RP1L1: variants seen among roughly 807,000 people sequenced by gnomAD.
RP1L1 encodes the protein retinitis pigmentosa 1-like 1 protein.
RP1L1 carries 27 observed loss-of-function variants against 15.7 expected under a neutral mutation model. That is an observed-to-expected ratio of 1.72 (90% CI 1.27 to 2.38). The LOEUF is 2.38. Ranked by LOEUF, RP1L1 falls within the 30% of genes most tolerant of loss-of-function variation. The pLI is 0.00. For synonymous variants in RP1L1, 1,813 were observed against 1,276.7 expected, an observed-to-expected ratio of 1.42 and a Z score of -8.96; for missense variants, 4,798 against 3,075.9, an observed-to-expected ratio of 1.56 and a Z score of -13.24.
At position 10,608,422 on chromosome 8, in the gene RP1L1, G is replaced by A. The variant is rs1797754889; in HGVS notation, c.5676C>T (p.Thr1892=). ...GCTGGACCTCCCATTCTGCCTCTGG[G>A]GTCTCTACATCTTCTGACTCTGGCT... The part of the protein sequence containing the change: ...EAQPESEDVE[T]PEAEWEVQPE... The change falls in exon 4 of 4, where the codon ACC becomes ACT. Residue 1892 remains threonine, a synonymous_variant. Coordinates refer to ENST00000382483, the MANE Select transcript of RP1L1 (RefSeq NM_178857.6). 1 of 1,603,196 alleles carries A rather than the reference G, an allele frequency of 6.2e-7. No homozygotes were observed. The highest frequency in any genetic ancestry group is 8.5e-7 in the Non-Finnish European group (1 of 1,174,976).
At chr8:10,653,021 A>T (rs746157417) in intron 1 of RP1L1, among the ~76,000 whole-genome samples, 11 of 152,086 alleles carry the variant, frequency 7.2e-5, no homozygotes, top group Non-Finnish European at 1.5e-4. Flanking sequence ...GCAGGGTGAA[A>T]ACTCTTTCTG....
intron 2 of RP1L1, among the ~76,000 whole-genome samples, chr8:10,617,399 C>CAAAAAAAAAAAAA (rs369885056): frequency 9.6e-5 from 8 of 83,012 alleles, no homozygotes; most frequent in Admixed American, 1.4e-4. Flanking sequence ...TGCTCATTAA[C>CAAAAAAAAAAAAA]AAAAAAAAAA....
chr8:10,608,629 G>A lies in RP1L1; in HGVS notation c.5469C>T (p.Asp1823=). Residue 1823 remains aspartate (D), a synonymous_variant, in exon 4 of 4, where the codon GAC becomes GAT. Coordinates refer to ENST00000382483, the MANE Select transcript of RP1L1 (RefSeq NM_178857.6). ...CCCCATCACTCTGTCCTGGATCTTG[G>A]TCACCTCCTGCCGCAGCTTCACCCT... ...NLQGEAAAGG[D]QDPGQSDGAE... 6.2e-7 allele frequency: 1 copy of A among 1,614,090 alleles called. No individual in the cohort carries two copies. Among genetic ancestry groups the A allele is most frequent in the South Asian group, 1.1e-5 (1 of 91,066 alleles).
rs373313619 is a variant in RP1L1, at chr8:10,609,156, C to T, written c.4942G>A (p.Gly1648Ser). The change falls in exon 4 of 4, where the codon GGC (glycine) becomes AGC (serine). Residue 1648 changes from glycine to serine, a missense_variant. Gly to Ser is a moderately conservative substitution (Grantham distance 56). Coordinates refer to ENST00000382483, the MANE Select transcript of RP1L1 (RefSeq NM_178857.6). ...AACTCCTCCCCCTCCGCCTCCTCGC[C>T]CAGCTGGCTCCCCAGGGCTGTGCTG... ...ALSTALGSQLGEEAEGEEFCP... is the reference protein window; with the variant it reads ...ALSTALGSQLSEEAEGEEFCP... The T allele has an allele frequency of 3.5e-5, 56 of 1,612,838 alleles. No individual in the cohort carries two copies. The highest frequency in any genetic ancestry group is 1.6e-4 in the Middle Eastern group (1 of 6,084).
intron 1 of RP1L1, among the ~76,000 whole-genome samples, chr8:10,652,233 A>G (rs1196741088): frequency 1.3e-5 from 2 of 152,214 alleles, no homozygotes; most frequent in Non-Finnish European, 2.9e-5. Context: ...ACTGCCCTTC[A>G]GGGTTGAAGG....
At chr8:10,631,027 A>T (rs1182242949) in intron 1 of RP1L1, among the ~76,000 whole-genome samples, 1 of 152,126 alleles carries the variant, frequency 6.6e-6, no homozygotes, top group Non-Finnish European at 1.5e-5. Flanking sequence ...CTCAGGGGGA[A>T]TGGCTTTGCC....
At position 10,609,921 on chromosome 8, in the gene RP1L1, C is replaced by G. The variant is rs762439244; in HGVS notation, c.4177G>C (p.Gly1393Arg). 1.3e-6 allele frequency: 2 copies of G among 1,591,374 alleles called. No individual in the cohort carries two copies. Among genetic ancestry groups the G allele is most frequent in the Non-Finnish European group, 8.6e-7 (1 of 1,163,714 alleles). ...TCTGGAAGTCCTTCCTCTTTGAGAC[C>G]CTCTTCAAGAGCCTCTCCTTGCAGT... ...GGLQGEALEE[G>R]LKEEGLPEEG... Residue 1393 changes from glycine (G) to arginine (R), a missense_variant, in exon 4 of 4, where the codon GGT becomes CGT. Coordinates refer to ENST00000382483, the MANE Select transcript of RP1L1 (RefSeq NM_178857.6).
chr8:10,609,930 G>T lies in RP1L1; in HGVS notation c.4168C>A (p.Leu1390Ile). ...GPEGGLQGEA[L>I]EEGLKEEGLP... ...CCTTCCTCTTTGAGACCCTCTTCAAGAGCCTCTCCTTGCAGTCCTCCTTCT... is the reference window on the plus strand; with the variant it reads ...CCTTCCTCTTTGAGACCCTCTTCAATAGCCTCTCCTTGCAGTCCTCCTTCT... The change falls in exon 4 of 4, where the codon CTT (leucine) becomes ATT (isoleucine). Residue 1390 changes from leucine to isoleucine, a missense_variant. Coordinates refer to ENST00000382483, the MANE Select transcript of RP1L1 (RefSeq NM_178857.6). 6.3e-7 allele frequency: 1 copy of T among 1,590,850 alleles called. No individual in the cohort carries two copies. Among genetic ancestry groups the T allele is most frequent in the Non-Finnish European group, 8.6e-7 (1 of 1,164,042 alleles).
intron 2 of RP1L1, among the ~76,000 whole-genome samples, chr8:10,617,248 A>C (rs1426564829): frequency 6.6e-6 from 1 of 152,022 alleles, no homozygotes; most frequent in Non-Finnish European, 1.5e-5. Context: ...TGGTCCCTGG[A>C]CCGAGAAGCC....
At chr8:10,629,129 A>G (rs1798203050) in intron 1 of RP1L1, among the ~76,000 whole-genome samples, 1 of 152,252 alleles carries the variant, frequency 6.6e-6, no homozygotes, top group African/African-American at 2.4e-5. Flanking sequence ...ACAGAACAGG[A>G]TGATAATAAA....
intron 1 of RP1L1, among the ~76,000 whole-genome samples, chr8:10,625,128 C>T (rs902148130): frequency 2.6e-5 from 4 of 152,212 alleles, no homozygotes; most frequent in African/African-American, 9.6e-5. Flanking sequence ...CACTTTTCCC[C>T]TTGCTGGTTT....
At chr8:10,649,605 G>T (rs1289832899) in intron 1 of RP1L1, among the ~76,000 whole-genome samples, 1 of 152,192 alleles carries the variant, frequency 6.6e-6, no homozygotes, top group Non-Finnish European at 1.5e-5. Context: ...CTGGCCAGGT[G>T]CGGTGGCTCA....
chr8:10,608,816 C>T lies in RP1L1; in HGVS notation c.5282G>A (p.Gly1761Glu). 5 of 1,614,182 alleles carry T rather than the reference C, an allele frequency of 3.1e-6. No individual in the cohort carries two copies. The highest frequency in any genetic ancestry group is 4.2e-6 in the Non-Finnish European group (5 of 1,180,044). ...AGCCATTGCATCTCCCTCTGCCTCC[C>T]CGAGTTTGGGATCTTTGTCTCTGTT... ...RLNRDKDPKLGEAEGDAMAQE... is the reference protein window; with the variant it reads ...RLNRDKDPKLEEAEGDAMAQE... The change falls in exon 4 of 4, where the codon GGG (glycine) becomes GAG (glutamate). Residue 1761 changes from glycine to glutamate, a missense_variant. Transcript: ENST00000382483.
intron 1 of RP1L1, among the ~76,000 whole-genome samples, chr8:10,636,664 G>A (rs1309091400): frequency 2.0e-5 from 3 of 152,218 alleles, no homozygotes; most frequent in Admixed American, 1.3e-4. Context: ...TCTCGGGCAT[G>A]ATAAACAAGC....
At chr8:10,629,885 A>G (rs1001884923) in intron 1 of RP1L1, among the ~76,000 whole-genome samples, 1 of 152,112 alleles carries the variant, frequency 6.6e-6, no homozygotes, top group Admixed American at 6.5e-5. Context: ...TCTGTCCCCA[A>G]GTCTCTGTGC....
chr8:10,633,310 G>C (rs1189623228), intron 1 of RP1L1, among the ~76,000 whole-genome samples: 10 of 152,162 alleles, frequency 6.6e-5, no homozygotes, highest in Non-Finnish European at 1.3e-4. Flanking sequence ...TGCCCCCATT[G>C]ACCAAATCCA....
chr8:10,642,003 G>A (rs1479021269), intron 1 of RP1L1, among the ~76,000 whole-genome samples: 1 of 152,114 alleles, frequency 6.6e-6, no homozygotes. Context: ...TGATGGACGT[G>A]CCCTGTCTCT....
At chr8:10,647,252 C>T (rs770653982) in intron 1 of RP1L1, among the ~76,000 whole-genome samples, 18 of 152,238 alleles carry the variant, frequency 1.2e-4, no homozygotes, top group South Asian at 1.0e-3. Flanking sequence ...CGCCCTCTGA[C>T]CTCCTTCCCA....
At position 10,608,281 on chromosome 8, in the gene RP1L1, C is replaced by T. The variant is rs755410408; in HGVS notation, c.5817G>A (p.Glu1939=). ...GGGCCGCCTCTTCTGCCTCTTGGGC[C>T]TCTGCACCTTCTGACTCTGGCTCGT... ...GEDEPESEGA[E]AQEAEEAAQE... Residue 1939 remains glutamate, a synonymous_variant, in exon 4 of 4, where the codon GAG becomes GAA. Coordinates refer to ENST00000382483, the MANE Select transcript of RP1L1 (RefSeq NM_178857.6). 2.5e-6 allele frequency: 4 copies of T among 1,597,892 alleles called. No individual in the cohort carries two copies. The highest frequency in any genetic ancestry group is 3.4e-5 in the Admixed American group (2 of 58,802).
Sources: allele counts gnomAD v4.1 joint callset (sites outside exome capture counted in the v4.1 genomes callset), GRCh38; gene constraint gnomAD v4.1.1; transcripts MANE v1.5; gene names NCBI Gene and HGNC (gene_info 2026-07-23, HGNC 2026-07-21).